EXOC4: variants seen among roughly 807,000 people sequenced by gnomAD.
The protein encoded by EXOC4 is exocyst complex component 4.
In EXOC4, 71 loss-of-function variants were observed where a neutral mutation model predicts 107.2. The observed-to-expected ratio is 0.66, with a 90% CI of 0.55 to 0.81. The LOEUF (loss-of-function observed/expected upper bound fraction) is 0.81, where lower values mean the gene tolerates loss of function less well. Among genes scored for constraint, EXOC4 ranks in the 30% least tolerant of loss-of-function variants. The pLI is 0.00. For missense variants in EXOC4, 1,108 were observed against 1,189.6 expected, an observed-to-expected ratio of 0.93 and a Z score of 1.01; for synonymous variants, 456 against 441.2, an observed-to-expected ratio of 1.03 and a Z score of -0.42.
chr7:133,821,864 G>GATGA (rs1365027474), intron 11 of EXOC4, among the ~76,000 whole-genome samples: 2 of 152,136 alleles, frequency 1.3e-5, no homozygotes, highest in Non-Finnish European at 2.9e-5. Flanking sequence ...TTAATAAATG[G>GATGA]ATGAATGAAT....
intron 9 of EXOC4, among the ~76,000 whole-genome samples, chr7:133,542,021 A>C (rs1181749745): frequency 6.6e-6 from 1 of 152,126 alleles, no homozygotes; most frequent in Admixed American, 6.5e-5. Flanking sequence ...TTTTTAGGAC[A>C]CAGTGTAAGT....
intron 9 of EXOC4, among the ~76,000 whole-genome samples, chr7:133,615,491 G>GT (rs1367446992): frequency 2.0e-5 from 3 of 152,098 alleles, no homozygotes; most frequent in African/African-American, 4.8e-5. Flanking sequence ...TAACAGTTAA[G>GT]TTTTTAGGAA....
intron 12 of EXOC4, among the ~76,000 whole-genome samples, chr7:133,900,507 A>G (rs921011650): frequency 6.6e-6 from 1 of 152,222 alleles, no homozygotes; most frequent in Non-Finnish European, 1.5e-5. Flanking sequence ...GACTCAAGGA[A>G]CTTTGCCTTT....
chr7:133,356,652 TTCTG>T lies in EXOC4; in HGVS notation c.1007+81_1007+84del, dbSNP rs1796027574. ...TAGGGTGGGGCGTAAGTAACTTACCTTCTGTTGATGTTGTTTTCTTGAACTTAGG... is the reference window on the plus strand; with the variant it reads ...TAGGGTGGGGCGTAAGTAACTTACCTTTGATGTTGTTTTCTTGAACTTAGG... On this transcript the variant is annotated intron_variant, in intron 6 of 17. Coordinates refer to ENST00000253861, the MANE Select transcript of EXOC4 (RefSeq NM_021807.4). The T allele has an allele frequency of 1.0e-5, 15 of 1,499,878 alleles. No individual in the cohort carries two copies. In the South Asian group the frequency reaches 1.8e-4, roughly 18 times the overall value. 92.9% of individuals were successfully genotyped at this position (1,499,878 alleles called of 1,614,324 possible). A position where few individuals can be genotyped will look rare whatever the true frequency, so the allele number is the denominator to read the frequency against.
intron 6 of EXOC4, among the ~76,000 whole-genome samples, chr7:133,362,906 A>G (rs1310273290): frequency 1.3e-5 from 2 of 152,206 alleles, no homozygotes; most frequent in African/African-American, 2.4e-5. Flanking sequence ...TTTATTTTAC[A>G]GAAAAGTCAT....
intron 11 of EXOC4, among the ~76,000 whole-genome samples, chr7:133,834,665 A>G (rs1797880862): frequency 6.6e-6 from 1 of 152,264 alleles, no homozygotes; most frequent in African/African-American, 2.4e-5. Flanking sequence ...GCGCCAAAGT[A>G]TAAGTGCAGA....
intron 6 of EXOC4, among the ~76,000 whole-genome samples, chr7:133,371,379 G>A (rs769369126): frequency 5.3e-5 from 8 of 151,942 alleles, no homozygotes; most frequent in South Asian, 2.1e-4. Context: ...AACAAATCCC[G>A]TATACTTATC....
chr7:134,067,830 T>C (rs1796208111), downstream of EXOC4, among the ~76,000 whole-genome samples: 1 of 151,600 alleles, frequency 6.6e-6, no homozygotes, highest in Non-Finnish European at 1.5e-5. Flanking sequence ...CACTTCTTTC[T>C]ACCTGCTCTA....
At chr7:133,998,301 T>C (rs1051173839) in intron 15 of EXOC4, among the ~76,000 whole-genome samples, 4 of 152,180 alleles carry the variant, frequency 2.6e-5, no homozygotes, top group African/African-American at 4.8e-5. Context: ...ACTGGCCACA[T>C]TTTAAGTGCT....
intron 11 of EXOC4, among the ~76,000 whole-genome samples, chr7:133,862,499 A>T (rs2116347577): frequency 6.6e-6 from 1 of 152,262 alleles, no homozygotes; most frequent in South Asian, 2.1e-4. Flanking sequence ...CGGGGAAAAA[A>T]AAAGAGCCTC....
chr7:133,682,572 C>T (rs1461651000), intron 10 of EXOC4, among the ~76,000 whole-genome samples: 2 of 152,296 alleles, frequency 1.3e-5, no homozygotes, highest in East Asian at 3.9e-4. Context: ...TCAAAACAAA[C>T]TAATACACCC....
At chr7:133,295,371 T>C (rs1472315131) in intron 3 of EXOC4, among the ~76,000 whole-genome samples, 1 of 152,192 alleles carries the variant, frequency 6.6e-6, no homozygotes, top group East Asian at 1.9e-4. Flanking sequence ...TTTCAGATTA[T>C]GTGTTATCAA....
chr7:134,023,295 C>T (rs1261193382), intron 17 of EXOC4, among the ~76,000 whole-genome samples: 3 of 152,102 alleles, frequency 2.0e-5, no homozygotes, highest in Non-Finnish European at 2.9e-5. Flanking sequence ...TGAGAATAAG[C>T]AAGAATATCT....
In EXOC4 at chr7:133,623,470, A is replaced by G. The variant is rs890216879; in HGVS notation, c.1418-6575A>G. ...ATTCTTTCTCGTTTTTTGTTTGTGC[A>G]TATGTTCATTCAACAAATATGTACT... is the stretch of plus-strand genomic sequence containing the variant. On this transcript the variant is annotated intron_variant, in intron 9 of 17. Coordinates refer to ENST00000253861, the MANE Select transcript of EXOC4 (RefSeq NM_021807.4). Among the ~76,000 whole-genome samples the G allele has an allele frequency of 2.6e-5, 4 of 152,192 alleles. 1 individual carries two copies. Among genetic ancestry groups the G allele is most frequent in the Admixed American group, 2.0e-4 (3 of 15,284 alleles).
intron 1 of EXOC4, among the ~76,000 whole-genome samples, chr7:133,268,974 T>G (rs1041456620): frequency 6.6e-6 from 1 of 152,226 alleles, no homozygotes; most frequent in Non-Finnish European, 1.5e-5. Context: ...TTTATTCTTT[T>G]ATGTTCCTCC....
At chr7:133,944,675 A>G (rs1437429925) in intron 14 of EXOC4, among the ~76,000 whole-genome samples, 2 of 152,164 alleles carry the variant, frequency 1.3e-5, no homozygotes, top group South Asian at 2.1e-4. Context: ...TATAAGCCCA[A>G]TGTTTGGATG....
chr7:133,389,533 A>G (rs1796803174), intron 7 of EXOC4, among the ~76,000 whole-genome samples: 1 of 141,632 alleles, frequency 7.1e-6, no homozygotes, highest in Non-Finnish European at 1.5e-5. Flanking sequence ...ACATTGCACC[A>G]TTGCACTCCA....
At chr7:133,822,432 T>A (rs1406586719) in intron 11 of EXOC4, among the ~76,000 whole-genome samples, 1 of 152,092 alleles carries the variant, frequency 6.6e-6, no homozygotes, top group Non-Finnish European at 1.5e-5. Flanking sequence ...CCCTTACCCA[T>A]CAAATTGCTG....
At chr7:133,689,419 C>T (rs923188378) in intron 10 of EXOC4, among the ~76,000 whole-genome samples, 3 of 152,162 alleles carry the variant, frequency 2.0e-5, no homozygotes, top group Non-Finnish European at 4.4e-5. Flanking sequence ...TCAGTTTCAA[C>T]TGCGAATATG....
Sources: gnomAD v4.1 joint callset for allele counts (sites outside exome capture counted in the v4.1 genomes callset) on GRCh38, gnomAD v4.1.1 for gene constraint, MANE v1.5 for transcripts, NCBI Gene and HGNC (gene_info 2026-07-23, HGNC 2026-07-21) for gene names.